Variants in ABI1 observed in about 807,000 individuals in gnomAD.
ABI1 encodes Abelson interactor 1.
Under a neutral mutation model 54.6 loss-of-function variants are expected in ABI1, and 14 were observed. The observed-to-expected ratio is 0.26, with a 90% CI of 0.17 to 0.40. ABI1 has a LOEUF of 0.40. Among genes scored for constraint, ABI1 ranks in the 10% least tolerant of loss-of-function variants. The probability of loss-of-function intolerance (pLI) is 1.00; values close to 1 mark genes in which losing one functional copy is unlikely to be tolerated. For missense variants in ABI1, 443 were observed against 598.3 expected, an observed-to-expected ratio of 0.74 and a Z score of 2.71; for synonymous variants, 194 against 209.3, an observed-to-expected ratio of 0.93 and a Z score of 0.63.
chr10:26,750,832 T>C lies in ABI1; in HGVS notation c.1270+766A>G, dbSNP rs1328272769. Among the ~76,000 whole-genome samples, 8 of 152,232 alleles carry C rather than the reference T, an allele frequency of 5.3e-5. No homozygotes were observed. The East Asian group carries it at 9.6e-4, about 18-fold the overall frequency. Reference sequence around the variant, plus strand: ...TTCCCCACCTATATTTCTTAATAGATAATTATAGTGAATATCGGGTACTAT... The same window carrying C: ...TTCCCCACCTATATTTCTTAATAGACAATTATAGTGAATATCGGGTACTAT... On this transcript the variant is annotated intron_variant, in intron 10 of 10. Transcript: ENST00000376140.
chr10:26,781,057 G>A (rs548560060), intron 2 of ABI1, among the ~76,000 whole-genome samples: 1 of 152,158 alleles, frequency 6.6e-6, no homozygotes, highest in African/African-American at 2.4e-5. Flanking sequence ...GTAGGTTTGG[G>A]GCCCCACAAT....
chr10:26,825,582 G>A (rs992140030), intron 1 of ABI1, among the ~76,000 whole-genome samples: 32 of 152,104 alleles, frequency 2.1e-4, no homozygotes, highest in African/African-American at 1.9e-4. Flanking sequence ...AATCGCTTGA[G>A]CCCAGGAGCC....
chr10:26,860,447 G>A lies in ABI1; in HGVS notation c.117+300C>T, dbSNP rs1231151930. On this transcript the variant is annotated intron_variant, in intron 1 of 10. Transcript: ENST00000376140. This position sits in a 1 kb window ranked among gnomAD's most constrained non-coding sequence, Gnocchi z 4.1. ...CGACCCCGGTGGCCGGGCCCTGGGG[G>A]AAGCGGACGCGAGGGGGGCGCCGGG... Among the ~76,000 whole-genome samples the A allele has an allele frequency of 6.6e-6, 1 of 152,202 alleles. No individual in the cohort carries two copies. Among genetic ancestry groups the A allele is most frequent in the East Asian group, 1.9e-4 (1 of 5,186 alleles).
At chr10:26,758,094 A>C (rs11015268) in intron 8 of ABI1, among the ~76,000 whole-genome samples, 8,746 of 133,662 alleles carry the variant, frequency 0.065, 341 homozygotes, top group East Asian at 0.14. Flanking sequence ...AAAAAAAAAA[A>C]CTTTCCCCTA....
intron 2 of ABI1, among the ~76,000 whole-genome samples, chr10:26,808,421 G>A (rs984760992): frequency 6.6e-6 from 1 of 152,076 alleles, no homozygotes; most frequent in African/African-American, 2.4e-5. Context: ...CTCAGGGGTG[G>A]GATGGCGGGC....
At chr10:26,775,907 C>T (rs1018587916) in intron 3 of ABI1, among the ~76,000 whole-genome samples, 4 of 152,154 alleles carry the variant, frequency 2.6e-5, no homozygotes, top group Non-Finnish European at 2.9e-5. Flanking sequence ...TACATACATG[C>T]ATGCATGAAT....
chr10:26,773,215 C>CTTTTTTTTTTTTTTTTTTTTTTTTTTT lies in ABI1; in HGVS notation c.463-2127_463-2126insAAAAAAAAAAAAAAAAAAAAAAAAAAA, dbSNP rs58739177. On this transcript the variant is annotated intron_variant, in intron 3 of 10. Coordinates refer to ENST00000376140, the MANE Select transcript of ABI1 (RefSeq NM_001012750.3). ...AGGCACTAAATGTCTAATGCTAATTCTTTTTTTTTTTTTGCTGGCTCTGTT... is the reference window on the plus strand; with the variant it reads ...AGGCACTAAATGTCTAATGCTAATTCTTTTTTTTTTTTTTTTTTTTTTTTTTTTTTTTTTTTTTTTGCTGGCTCTGTT... Among the ~76,000 whole-genome samples, 597 of 92,318 alleles carry CTTTTTTTTTTTTTTTTTTTTTTTTTTT rather than the reference C, an allele frequency of 6.5e-3. 107 individuals carry two copies. Among genetic ancestry groups the CTTTTTTTTTTTTTTTTTTTTTTTTTTT allele is most frequent in the East Asian group, 0.016 (34 of 2,184 alleles). 60.6% of individuals were successfully genotyped at this position (92,318 alleles called of 152,430 possible). A position where few individuals can be genotyped will look rare whatever the true frequency, so the allele number is the denominator to read the frequency against.
chr10:26,762,334 T>C (rs1839344494), intron 7 of ABI1, among the ~76,000 whole-genome samples: 1 of 152,190 alleles, frequency 6.6e-6, no homozygotes, highest in African/African-American at 2.4e-5. Context: ...TATAGACTGC[T>C]GTATTATAAC....
intron 1 of ABI1, among the ~76,000 whole-genome samples, chr10:26,838,028 C>CTT (rs201597873): frequency 0.14 from 19,685 of 145,030 alleles, 1,653 homozygotes; most frequent in African/African-American, 0.24. Context: ...AATCTTATTA[C>CTT]TTTTTTTTTT....
chr10:26,837,855 T>C (rs1020800292), intron 1 of ABI1, among the ~76,000 whole-genome samples: 1 of 150,420 alleles, frequency 6.6e-6, no homozygotes, highest in African/African-American at 2.5e-5. Flanking sequence ...CCTCAAGTGA[T>C]CCACCTGCCT....
intron 1 of ABI1, among the ~76,000 whole-genome samples, chr10:26,837,790 T>C (rs764365052): frequency 1.3e-5 from 2 of 149,690 alleles, no homozygotes; most frequent in Admixed American, 6.6e-5. Context: ...AATTTTTGTA[T>C]CTTTAGTAGA....
intron 2 of ABI1, among the ~76,000 whole-genome samples, chr10:26,801,503 C>T (rs910570470): frequency 3.3e-5 from 5 of 151,586 alleles, no homozygotes; most frequent in Non-Finnish European, 7.4e-5. Flanking sequence ...GCCAAGATCA[C>T]GCCACTGCAG....
At chr10:26,753,213 C>T (rs142859899) in intron 9 of ABI1, among the ~76,000 whole-genome samples, 2 of 152,274 alleles carry the variant, frequency 1.3e-5, no homozygotes, top group East Asian at 3.9e-4. Flanking sequence ...TGGTAATGCT[C>T]ACTATAACAC....
intron 2 of ABI1, among the ~76,000 whole-genome samples, chr10:26,820,819 C>G (rs1047014958): frequency 2.6e-5 from 4 of 151,702 alleles, no homozygotes; most frequent in Non-Finnish European, 5.9e-5. Flanking sequence ...AACTCCTGAC[C>G]TCATGATCCA....
intron 2 of ABI1, among the ~76,000 whole-genome samples, chr10:26,808,834 G>A (rs964759662): frequency 1.2e-4 from 18 of 152,020 alleles, no homozygotes; most frequent in African/African-American, 4.1e-4. Context: ...AAAGGGGGAG[G>A]GGACAGGGAG....
intron 1 of ABI1, among the ~76,000 whole-genome samples, 160 bp from the exon 2 acceptor site, chr10:26,823,465 A>G (rs1433842261): frequency 1.3e-5 from 2 of 152,210 alleles, no homozygotes; most frequent in East Asian, 1.9e-4. Context: ...GAATTAAGCC[A>G]TGGCAGAAAT....
chr10:26,814,001 CAGTT>C lies in ABI1; in HGVS notation c.285+9133_285+9136del, dbSNP rs2047402174. Among the ~76,000 whole-genome samples, 3 of 152,176 alleles carry C rather than the reference CAGTT, an allele frequency of 2.0e-5. No homozygotes were observed. The South Asian group carries it at 6.2e-4, about 31-fold the overall frequency. ...CATCTGAGAAACCAGAGCACTGACT[CAGTT>C]AGTGTTTCCATTCTAGGTACCCGCC... On this transcript the variant is annotated intron_variant, in intron 2 of 10. Coordinates refer to ENST00000376140, the MANE Select transcript of ABI1 (RefSeq NM_001012750.3).
At chr10:26,840,552 C>T (rs1254094998) in intron 1 of ABI1, among the ~76,000 whole-genome samples, 1 of 152,148 alleles carries the variant, frequency 6.6e-6, no homozygotes, top group African/African-American at 2.4e-5. Flanking sequence ...TTTTCCAAAT[C>T]AAAAATCAGG....
intron 2 of ABI1, among the ~76,000 whole-genome samples, chr10:26,779,641 A>G (rs1192019489): frequency 1.3e-5 from 2 of 152,216 alleles, no homozygotes; most frequent in Non-Finnish European, 2.9e-5. Flanking sequence ...AGGGGCATGT[A>G]GTTACATTGC....
Sources: allele counts gnomAD v4.1 joint callset (sites outside exome capture counted in the v4.1 genomes callset), GRCh38; gene constraint gnomAD v4.1.1; non-coding constraint Gnocchi (gnomAD v3.1); transcripts MANE v1.5; gene names NCBI Gene and HGNC (gene_info 2026-07-23, HGNC 2026-07-21).